NOS1AP: variants seen among roughly 807,000 people sequenced by gnomAD.
NOS1AP encodes carboxyl-terminal PDZ ligand of neuronal nitric oxide synthase protein.
NOS1AP carries 21 observed loss-of-function variants against 56.2 expected under a neutral mutation model. The observed-to-expected ratio is 0.37, with a 90% CI of 0.26 to 0.54. The LOEUF is 0.54. NOS1AP is among the 20% of genes least tolerant of loss of function. The pLI is 0.84. For missense variants in NOS1AP, 522 were observed against 657.8 expected (o/e 0.79, Z 2.26); for synonymous variants, 270 against 274.6 (o/e 0.98, Z 0.17).
At chr1:162,295,839 C>T (rs754825269) in intron 3 of NOS1AP, among the ~76,000 whole-genome samples, 16 of 152,142 alleles carry the variant, frequency 1.1e-4, no homozygotes, top group Admixed American at 3.3e-4. Flanking sequence ...TGTTTTTACT[C>T]TTGGCTGGGC....
intron 1 of NOS1AP, among the ~76,000 whole-genome samples, chr1:162,097,192 A>G: frequency 6.7e-6 from 1 of 149,476 alleles, no homozygotes; most frequent in East Asian, 1.9e-4. Flanking sequence ...TGTATTGGTC[A>G]TTATGTTTTT....
intron 2 of NOS1AP, among the ~76,000 whole-genome samples, chr1:162,283,659 C>A (rs547259694): frequency 3.9e-4 from 60 of 152,314 alleles, no homozygotes; most frequent in African/African-American, 1.4e-3. Flanking sequence ...ACATTAAGTT[C>A]CAAGGCCACT....
At position 162,335,587 on chromosome 1, in the gene NOS1AP, T is replaced by C. The variant is rs753801062; in HGVS notation, c.453+2462T>C. 4.5e-4 allele frequency among the ~76,000 whole-genome samples: 69 copies of C among 152,176 alleles called. 1 individual carries two copies. The highest frequency in any genetic ancestry group is 9.0e-4 in the Non-Finnish European group (61 of 68,032). On this transcript the variant is annotated intron_variant, in intron 5 of 9. Coordinates refer to ENST00000361897, the MANE Select transcript of NOS1AP (RefSeq NM_014697.3). ...AGTGGTGGGCGGGGGGAAAGGACTATAGAGGACATGTGTGTTGCAGAGATG... is the reference window on the plus strand; with the variant it reads ...AGTGGTGGGCGGGGGGAAAGGACTACAGAGGACATGTGTGTTGCAGAGATG...
At chr1:162,327,833 C>CATTCCA (rs1344560806) in intron 4 of NOS1AP, among the ~76,000 whole-genome samples, 1 of 152,170 alleles carries the variant, frequency 6.6e-6, no homozygotes, top group East Asian at 1.9e-4. Flanking sequence ...TTAAGATAGT[C>CATTCCA]ACTGGCAAGT....
intron 2 of NOS1AP, among the ~76,000 whole-genome samples, chr1:162,159,679 A>T (rs1438787565): frequency 6.6e-6 from 1 of 152,042 alleles, no homozygotes; most frequent in Non-Finnish European, 1.5e-5. Context: ...TGTATTCCCA[A>T]CATTTGGCAT....
intron 3 of NOS1AP, among the ~76,000 whole-genome samples, chr1:162,298,432 A>G (rs1480386165): frequency 6.6e-6 from 1 of 152,184 alleles, no homozygotes; most frequent in African/African-American, 2.4e-5. Context: ...GGGTGGTGTA[A>G]TTGGAAGCCC....
intron 2 of NOS1AP, among the ~76,000 whole-genome samples, chr1:162,284,780 G>A (rs535217145): frequency 8.5e-5 from 13 of 152,342 alleles, no homozygotes; most frequent in African/African-American, 2.9e-4. Flanking sequence ...AGATACACAA[G>A]CAAGGAGCTG....
intron 2 of NOS1AP, among the ~76,000 whole-genome samples, chr1:162,262,325 C>T (rs949644416): frequency 6.6e-6 from 1 of 152,140 alleles, no homozygotes; most frequent in African/African-American, 2.4e-5. Flanking sequence ...GATTCCAGAA[C>T]CCTCATTCTT....
intron 1 of NOS1AP, among the ~76,000 whole-genome samples, chr1:162,096,106 A>G (rs1420713851): frequency 6.6e-6 from 1 of 152,236 alleles, no homozygotes; most frequent in African/African-American, 2.4e-5. Flanking sequence ...GACTTGCAGT[A>G]AATGCTTTTC....
In NOS1AP at chr1:162,326,939, G is replaced by A. The variant is rs1000930890; in HGVS notation, c.345-6078G>A. 2.6e-5 allele frequency among the ~76,000 whole-genome samples: 4 copies of A among 152,198 alleles called. No individual in the cohort carries two copies. The East Asian group carries it at 7.7e-4, about 29-fold the overall frequency. ...GATTCTAGTCAGGCCCCAAAAATGT[G>A]AGATCATGAAGAAAAATCATGTGAC... is the stretch of plus-strand genomic sequence containing the variant. On this transcript the variant is annotated intron_variant, in intron 4 of 9. Coordinates refer to ENST00000361897, the MANE Select transcript of NOS1AP (RefSeq NM_014697.3).
intron 6 of NOS1AP, among the ~76,000 whole-genome samples, chr1:162,346,623 G>T (rs1269150166): frequency 6.6e-6 from 1 of 152,150 alleles, no homozygotes; most frequent in Admixed American, 6.5e-5. Context: ...GTTCATCCTG[G>T]GAAAAGGAAC....
intron 4 of NOS1AP, among the ~76,000 whole-genome samples, chr1:162,304,782 G>C (rs1197484596): frequency 2.1e-5 from 3 of 139,852 alleles, no homozygotes; most frequent in Non-Finnish European, 3.0e-5. Flanking sequence ...TTTTATATCT[G>C]TGTGTGTGTG....
chr1:162,087,876 AGTT>A (rs1276428255), intron 1 of NOS1AP, among the ~76,000 whole-genome samples: 1 of 152,156 alleles, frequency 6.6e-6, no homozygotes, highest in Admixed American at 6.5e-5. Context: ...GTCTTCCCTT[AGTT>A]GTTCATCAAT....
At chr1:162,304,794 G>T (rs192132290) in intron 4 of NOS1AP, among the ~76,000 whole-genome samples, 3 of 151,716 alleles carry the variant, frequency 2.0e-5, no homozygotes, top group African/African-American at 7.3e-5. Flanking sequence ...GTGTGTGTGT[G>T]TGTGTGTGTG....
intron 1 of NOS1AP, among the ~76,000 whole-genome samples, chr1:162,079,443 A>G (rs944164064): frequency 6.6e-6 from 1 of 151,400 alleles, no homozygotes; most frequent in Non-Finnish European, 1.5e-5. Flanking sequence ...CTACTTTGCA[A>G]TTTTTATGAC....
intron 1 of NOS1AP, among the ~76,000 whole-genome samples, chr1:162,140,254 A>G (rs1055037242): frequency 6.6e-6 from 1 of 152,196 alleles, no homozygotes; most frequent in African/African-American, 2.4e-5. Flanking sequence ...GTATTCATTC[A>G]AGGTCCTCCA....
chr1:162,072,820 C>T (rs1570986887), intron 1 of NOS1AP, among the ~76,000 whole-genome samples: 1 of 152,230 alleles, frequency 6.6e-6, no homozygotes, highest in South Asian at 2.1e-4. Context: ...GTCTATGCAA[C>T]TGCACAATCA....
At chr1:162,259,110 A>G (rs978926898) in intron 2 of NOS1AP, among the ~76,000 whole-genome samples, 2 of 152,214 alleles carry the variant, frequency 1.3e-5, no homozygotes, top group African/African-American at 4.8e-5. Flanking sequence ...CATCTGGGAC[A>G]GAGAGCTCCC....
chr1:162,211,253 G>T (rs910940336), intron 2 of NOS1AP, among the ~76,000 whole-genome samples: 2 of 152,202 alleles, frequency 1.3e-5, no homozygotes, highest in African/African-American at 4.8e-5. Flanking sequence ...CTGGAGGCTG[G>T]AAAGTCCAAG....
Sources: allele counts gnomAD v4.1 joint callset (sites outside exome capture counted in the v4.1 genomes callset), GRCh38; gene constraint gnomAD v4.1.1; transcripts MANE v1.5; gene names NCBI Gene and HGNC (gene_info 2026-07-23, HGNC 2026-07-21).